Variants in TMSB15B observed in about 807,000 individuals in gnomAD.
TMSB15B encodes thymosin beta 15B.
At chrX:103,952,617 C>T (rs1212381741) in intron 1 of TMSB15B, among the ~76,000 whole-genome samples, 1 of 111,357 alleles carries the variant, frequency 9.0e-6, no homozygotes, top group East Asian at 2.8e-4. Context: ...AAAGAGGGGA[C>T]GTGGACACAA....
At chrX:103,934,993 C>T (rs1335149284) in intron 1 of TMSB15B, among the ~76,000 whole-genome samples, 1 of 112,266 alleles carries the variant, frequency 8.9e-6, no homozygotes, top group African/African-American at 3.2e-5. Flanking sequence ...CACATCCTGT[C>T]CAGCATCTGT....
intron 1 of TMSB15B, chrX:103,932,072 T>A (rs1351563084): frequency 1.8e-5 from 2 of 112,034 alleles, no homozygotes; most frequent in Non-Finnish European, 3.8e-5. Context: ...CATCTCTTCA[T>A]CTCTATCCTT....
chrX:103,946,115 T>C (rs2075024932), intron 1 of TMSB15B, among the ~76,000 whole-genome samples: 1 of 112,059 alleles, frequency 8.9e-6, no homozygotes, highest in Non-Finnish European at 1.9e-5. Flanking sequence ...AAGGACTTTA[T>C]TACTCAGAAA....
intron 1 of TMSB15B, chrX:103,919,475 TG>T (rs1252765590): frequency 8.9e-6 from 1 of 112,286 alleles, no homozygotes; most frequent in Non-Finnish European, 1.9e-5. Context: ...GCTTTCTGTG[TG>T]CGGATGCGCC....
chrX:103,924,926 A>C (rs2074964103), intron 1 of TMSB15B, among the ~76,000 whole-genome samples: 1 of 111,217 alleles, frequency 9.0e-6, no homozygotes, highest in Non-Finnish European at 1.9e-5. Flanking sequence ...TAGATTATTT[A>C]TGTTGCACCT....
At chrX:103,930,988 C>A (rs1191226338) in intron 1 of TMSB15B, 2 of 111,144 alleles carry the variant, frequency 1.8e-5, no homozygotes, top group South Asian at 3.8e-4. Context: ...CTTACTGAAC[C>A]AAATTTGTCC....
chrX:103,946,684 A>C (rs2075026488), intron 1 of TMSB15B, among the ~76,000 whole-genome samples: 1 of 111,705 alleles, frequency 9.0e-6, no homozygotes, highest in Non-Finnish European at 1.9e-5. Context: ...AATTTAATAA[A>C]TGTGATTGGA....
At chrX:103,923,118 G>A (rs1193045509) in intron 1 of TMSB15B, among the ~76,000 whole-genome samples, 3 of 111,413 alleles carry the variant, frequency 2.7e-5, no homozygotes, top group East Asian at 5.6e-4. Flanking sequence ...TTGTCAGATG[G>A]GTAGATTGCA....
chrX:103,923,502 C>T (rs1201044886), intron 1 of TMSB15B, among the ~76,000 whole-genome samples: 1 of 111,503 alleles, frequency 9.0e-6, no homozygotes, highest in Non-Finnish European at 1.9e-5. Context: ...TGTCAAAGAT[C>T]AGATGTTTGT....
At chrX:103,937,285 A>AT (rs2075000693) in intron 1 of TMSB15B, among the ~76,000 whole-genome samples, 1 of 111,902 alleles carries the variant, frequency 8.9e-6, no homozygotes, top group South Asian at 3.7e-4. Flanking sequence ...TTCGGCTGTG[A>AT]ATCCATCTGG....
At chrX:103,937,762 G>A (rs782736831) in intron 1 of TMSB15B, among the ~76,000 whole-genome samples, 1 of 111,398 alleles carries the variant, frequency 9.0e-6, no homozygotes, top group South Asian at 3.8e-4. Context: ...TATGATGTTA[G>A]GGTGTCGATT....
intron 1 of TMSB15B, among the ~76,000 whole-genome samples, chrX:103,930,294 C>G (rs1454049613): frequency 1.8e-5 from 2 of 111,290 alleles, no homozygotes; most frequent in Non-Finnish European, 3.8e-5. Flanking sequence ...TCCAGCTCCT[C>G]GAAGCCCAGC....
intron 1 of TMSB15B, among the ~76,000 whole-genome samples, chrX:103,945,124 T>C (rs1328359079): frequency 2.7e-5 from 3 of 113,056 alleles, no homozygotes; most frequent in African/African-American, 9.6e-5. Flanking sequence ...ATCTGTTTTC[T>C]TCACATTTTG....
At chrX:103,926,478 G>T (rs1196689571) in intron 1 of TMSB15B, among the ~76,000 whole-genome samples, 9 of 66,291 alleles carry the variant, frequency 1.4e-4, no homozygotes, top group African/African-American at 5.2e-4. Flanking sequence ...TGGATGTAGT[G>T]GGGGGGATAG....
intron 1 of TMSB15B, among the ~76,000 whole-genome samples, chrX:103,920,289 A>G (rs1465757058): frequency 6.3e-5 from 7 of 111,433 alleles, no homozygotes; most frequent in Non-Finnish European, 1.3e-4. Flanking sequence ...CCTCAGAATC[A>G]TTTTGGAGAG....
rs148656183 is a variant in TMSB15B, at chrX:103,944,917, A to G, written c.-720-17104A>G. ...CCTCAGCTTCTGAGTAGCTGGGACT[A>G]CAGGCATGCACCACCATGCCCCGCT... On this transcript the variant is annotated intron_variant, in intron 1 of 3. Coordinates refer to the TMSB15B transcript ENST00000419165. 3.2e-4 allele frequency among the ~76,000 whole-genome samples: 36 copies of G among 111,680 alleles called. No individual in the cohort carries two copies. In the East Asian group the frequency reaches 9.6e-3, roughly 30 times the overall value.
chrX:103,926,991 C>T (rs1430237363), intron 1 of TMSB15B, among the ~76,000 whole-genome samples: 3 of 110,951 alleles, frequency 2.7e-5, no homozygotes, highest in Non-Finnish European at 5.7e-5. Flanking sequence ...CCCCCTCTTT[C>T]CTCCCCGGCA....
chrX:103,953,388 T>C (rs1556328640), intron 1 of TMSB15B, among the ~76,000 whole-genome samples: 3 of 112,329 alleles, frequency 2.7e-5, no homozygotes, highest in Middle Eastern at 4.2e-3. Context: ...GTTAGACCCC[T>C]GTACCTACCC....
At chrX:103,947,586 G>A (rs184479120) in intron 1 of TMSB15B, among the ~76,000 whole-genome samples, 55 of 112,057 alleles carry the variant, frequency 4.9e-4, no homozygotes, top group African/African-American at 1.7e-3. Flanking sequence ...AGAGTTGCAC[G>A]CATACTAAAA....
Sources: gnomAD v4.1 joint callset for allele counts (sites outside exome capture counted in the v4.1 genomes callset) on GRCh38, gnomAD v4.1.1 for gene constraint, MANE v1.5 for transcripts, NCBI Gene and HGNC (gene_info 2026-07-23, HGNC 2026-07-21) for gene names.